The following SIGLEC6 variants were observed in gnomAD, a reference collection of about 807,000 sequenced individuals.
The protein encoded by SIGLEC6 is sialic acid binding Ig like lectin 6.
A neutral mutation model predicts 41.4 loss-of-function variants in SIGLEC6; 31 were observed. The observed-to-expected ratio is 0.75, with a 90% CI of 0.56 to 1.01. The LOEUF (loss-of-function observed/expected upper bound fraction) is 1.01, where lower values mean the gene tolerates loss of function less well. Among genes scored for constraint, SIGLEC6 ranks in the 50% least tolerant of loss-of-function variants. The pLI is 0.00. For synonymous variants in SIGLEC6, 217 were observed against 231.0 expected (o/e 0.94, Z 0.55); for missense variants, 555 against 558.6 (o/e 0.99, Z 0.06).
chr19:51,531,248 C>G lies in SIGLEC6; in HGVS notation c.339G>C (p.Arg113Ser). ...GAAAGAAGTATGCAGCATTGTCCCT[C>G]CTCCGGGCATCTCTGATGCTCAGGG... ...NCSLSIRDAR[R>S]RDNAAYFFRL... The change falls in exon 2 of 8, where the codon AGG becomes AGC. Residue 113 changes from arginine to serine, a missense_variant. Transcript: ENST00000425629. 6.2e-7 allele frequency: 1 copy of G among 1,614,102 alleles called. No homozygotes were observed. Among genetic ancestry groups the G allele is most frequent in the Non-Finnish European group, 8.5e-7 (1 of 1,179,986 alleles).
intron 5 of SIGLEC6, 167 bp downstream of exon 5, chr19:51,529,557 G>T: frequency 1.3e-6 from 1 of 781,340 alleles, no homozygotes; most frequent in East Asian, 2.7e-5. Flanking sequence ...CCAGTGCAGG[G>T]AGGAGCCACT....
intron 5 of SIGLEC6, 110 bp from the exon 6 acceptor site, chr19:51,528,363 A>G (rs1979594260): frequency 1.1e-6 from 1 of 883,770 alleles, no homozygotes; most frequent in Non-Finnish European, 1.8e-6. Flanking sequence ...GGACTCAGTC[A>G]CTCACCATTT....
At chr19:51,527,871 C>T in intron 6 of SIGLEC6, 43 bp from the exon 7 acceptor site, 1 of 1,581,506 alleles carries the variant, frequency 6.3e-7, no homozygotes, top group Non-Finnish European at 8.7e-7. Context: ...TTATTTGGAG[C>T]CTCTTTCCCC....
rs1202892694 is a variant in SIGLEC6, at chr19:51,528,187, A to G, written c.1079T>C (p.Val360Ala). The G allele has an allele frequency of 6.2e-7, 1 of 1,614,014 alleles. No homozygotes were observed. The highest frequency in any genetic ancestry group is 1.7e-5 in the Admixed American group (1 of 60,020). Residue 360 changes from valine (V) to alanine (A), a missense_variant, in exon 6 of 8, where the codon GTT (valine) becomes GCT (alanine). By Grantham distance (64) the Val-to-Ala change is moderately conservative (BLOSUM62 0). Coordinates refer to ENST00000425629, the MANE Select transcript of SIGLEC6 (RefSeq NM_001245.7). ...GAAGATGAAGCAAACACAGAGGAAAACCAGGGTTGTGATGCTAGCTCCCCA... is the reference window on the plus strand; with the variant it reads ...GAAGATGAAGCAAACACAGAGGAAAGCCAGGGTTGTGATGCTAGCTCCCCA... Reference protein sequence around the residue: ...AVWGASITTLVFLCVCFIFRV... With the variant: ...AVWGASITTLAFLCVCFIFRV...
At chr19:51,522,474 G>A (rs565603870) in intron 7 of SIGLEC6, among the ~76,000 whole-genome samples, 1 of 152,240 alleles carries the variant, frequency 6.6e-6, no homozygotes, top group African/African-American at 2.4e-5. Context: ...GATTAAAAAC[G>A]GCTATAAATA....
chr19:51,527,626 A>T, intron 7 of SIGLEC6, 121 bp downstream of exon 7: 1 of 754,882 alleles, frequency 1.3e-6, no homozygotes, highest in Admixed American at 2.5e-5. Flanking sequence ...AAAATTTAAA[A>T]TGTCACATGT....
chr19:51,530,641 C>A (rs764303306), intron 3 of SIGLEC6, 40 bp downstream of exon 3: 17 of 1,611,398 alleles, frequency 1.1e-5, no homozygotes, highest in East Asian at 4.5e-5. Context: ...CCTGTCCCCC[C>A]ACACCCTCAG....
intron 7 of SIGLEC6, 68 bp from the exon 8 acceptor site, chr19:51,520,323 G>C: frequency 5.4e-6 from 6 of 1,109,494 alleles, no homozygotes; most frequent in Non-Finnish European, 7.6e-6. Context: ...CCAAGGATCA[G>C]AAAGGGAGTA....
intron 7 of SIGLEC6, among the ~76,000 whole-genome samples, chr19:51,521,932 G>C (rs772639945): frequency 1.3e-5 from 2 of 152,208 alleles, no homozygotes; most frequent in Non-Finnish European, 2.9e-5. Context: ...CCAAACTGCA[G>C]TACGTGGAGG....
rs142424690 is a variant in SIGLEC6, at chr19:51,525,338, T to G, written c.1188+2409A>C. ...CTGCCATTTTTTCTGCCGCCACAGC[T>G]CCCACTCCTACTCCCCCGAGGCTGG... is the stretch of plus-strand genomic sequence containing the variant. On this transcript the variant is annotated intron_variant, in intron 7 of 7. Coordinates refer to ENST00000425629, the MANE Select transcript of SIGLEC6 (RefSeq NM_001245.7). Among the ~76,000 whole-genome samples, 4 of 151,988 alleles carry G rather than the reference T, an allele frequency of 2.6e-5. No individual in the cohort carries two copies. In the East Asian group the frequency reaches 7.7e-4, roughly 29 times the overall value.
chr19:51,519,217 C>T lies in SIGLEC6; in HGVS notation c.*865G>A, dbSNP rs2122262703. 7.0e-6 allele frequency among the ~76,000 whole-genome samples: 1 copy of T among 143,634 alleles called. No individual in the cohort carries two copies. The highest frequency in any genetic ancestry group is 2.6e-5 in the African/African-American group (1 of 38,374). 94.2% of individuals were successfully genotyped at this position (143,634 alleles called of 152,430 possible). On this transcript the variant is annotated 3_prime_UTR_variant, in exon 8 of 8. Transcript: ENST00000425629. Reference sequence around the variant, plus strand: ...GGCTGAGGCAGGAGAATGGTGTGAACCCAGGGGGCGAAGCTTGCACTGAGC... The same window carrying T: ...GGCTGAGGCAGGAGAATGGTGTGAATCCAGGGGGCGAAGCTTGCACTGAGC...
chr19:51,524,487 TA>T (rs1978861613), intron 7 of SIGLEC6, among the ~76,000 whole-genome samples: 2 of 152,296 alleles, frequency 1.3e-5, no homozygotes, highest in Admixed American at 6.5e-5. Context: ...AAATAAATTG[TA>T]AAAATAAGCA....
chr19:51,527,663 A>G lies in SIGLEC6; in HGVS notation c.1188+84T>C, dbSNP rs1227349070. ...GAACCGCAGGGAATGTCAGGTGTTA[A>G]TGAAGAAATGCCTCAGGGTCCTTAC... On this transcript the variant is annotated intron_variant, in intron 7 of 7. Coordinates refer to ENST00000425629, the MANE Select transcript of SIGLEC6 (RefSeq NM_001245.7). 3 of 1,137,534 alleles carry G rather than the reference A, an allele frequency of 2.6e-6. No individual in the cohort carries two copies. In the East Asian group the frequency reaches 7.1e-5, roughly 27 times the overall value. The allele number at this position is 1,137,534 out of a possible 1,614,324, so 70.5% of individuals were successfully genotyped here. A position where few individuals can be genotyped will look rare whatever the true frequency, so the allele number is the denominator to read the frequency against.
chr19:51,521,065 G>A (rs1990894653), intron 7 of SIGLEC6, among the ~76,000 whole-genome samples: 1 of 98,256 alleles, frequency 1.0e-5, no homozygotes, highest in African/African-American at 3.6e-5. Context: ...TATAAAGCAG[G>A]GGCAGGAGTG....
intron 7 of SIGLEC6, among the ~76,000 whole-genome samples, chr19:51,524,934 A>G (rs1978948356): frequency 6.6e-6 from 1 of 152,202 alleles, no homozygotes; most frequent in Non-Finnish European, 1.5e-5. Context: ...CACTTCTGCC[A>G]TGGACCTTTG....
chr19:51,529,903 C>A lies in SIGLEC6; in HGVS notation c.833G>T (p.Gly278Val). ...QALRLLCDAD[G>V]NPPAHLSWFQ... ...CCAGCTCAGGTGTGCAGGGGGGTTG[C>A]CGTCAGCATCACAGAGCAGCCGCAG... The change falls in exon 5 of 8, where the codon GGC (glycine) becomes GTC (valine). Residue 278 changes from glycine (G) to valine (V), a missense_variant. Physicochemically the swap from Gly to Val is moderately radical, Grantham distance 109 (BLOSUM62 -3). Coordinates refer to ENST00000425629, the MANE Select transcript of SIGLEC6 (RefSeq NM_001245.7). 1 of 1,613,892 alleles carries A rather than the reference C, an allele frequency of 6.2e-7. No homozygotes were observed. Among genetic ancestry groups the A allele is most frequent in the Non-Finnish European group, 8.5e-7 (1 of 1,179,862 alleles).
rs745421004 is a variant in SIGLEC6 at position 51,529,990 on chromosome 19, A to T, written c.755-9T>A. 2.1e-5 allele frequency: 33 copies of T among 1,565,210 alleles called. 1 individual carries two copies. In the South Asian group the frequency reaches 4.0e-4, roughly 19 times the overall value. On this transcript the variant is annotated splice_polypyrimidine_tract_variant and intron_variant, in intron 4 of 7. Coordinates refer to ENST00000425629, the MANE Select transcript of SIGLEC6 (RefSeq NM_001245.7). ...TTGCAGGATTTTGAAGGCTTTGGGGAGAGAGGTGTAGAGAGTTAGAGATGG... is the reference window on the plus strand; with the variant it reads ...TTGCAGGATTTTGAAGGCTTTGGGGTGAGAGGTGTAGAGAGTTAGAGATGG...
chr19:51,521,378 ATG>A (rs139786367), intron 7 of SIGLEC6, among the ~76,000 whole-genome samples: 2 of 151,400 alleles, frequency 1.3e-5, no homozygotes, highest in African/African-American at 2.4e-5. Context: ...GTGTGTGTAT[ATG>A]TGTGTGTGTG....
intron 5 of SIGLEC6, among the ~76,000 whole-genome samples, chr19:51,528,884 G>A (rs1475354898): frequency 6.6e-6 from 1 of 151,528 alleles, no homozygotes; most frequent in Non-Finnish European, 1.5e-5. Context: ...GGGAGGCTGA[G>A]GCAGGAGAAT....
Sources: gnomAD v4.1 joint callset for allele counts (sites outside exome capture counted in the v4.1 genomes callset) on GRCh38, gnomAD v4.1.1 for gene constraint, MANE v1.5 for transcripts, NCBI Gene and HGNC (gene_info 2026-07-23, HGNC 2026-07-21) for gene names.